The following STAB2 variants were observed in gnomAD, a reference collection of about 807,000 sequenced individuals.
STAB2 encodes the protein stabilin 2.
Under a neutral mutation model 338.1 loss-of-function variants are expected in STAB2, and 288 were observed. That is an observed-to-expected ratio of 0.85 (90% CI 0.77 to 0.94). STAB2 has a LOEUF of 0.94. Ranked by LOEUF, STAB2 falls within the 40% of genes least tolerant of loss-of-function variation. The pLI is 0.00. For missense variants in STAB2, 3,141 were observed against 3,210.1 expected, an observed-to-expected ratio of 0.98 and a Z score of 0.52; for synonymous variants, 1,202 against 1,193.3, an observed-to-expected ratio of 1.01 and a Z score of -0.15.
chr12:103,683,227 G>C lies in STAB2; in HGVS notation c.2828G>C (p.Gly943Ala), dbSNP rs1327134988. Residue 943 changes from glycine to alanine, a missense_variant, in exon 26 of 69, where the codon GGA (glycine) becomes GCA (alanine). Transcript: ENST00000388887. ...PGQNECECKK[G>A]FRGNGIDCEP... ...TAGAATGAGTGTGAGTGCAAGAAAGGATTTCGAGGAAATGGGATTGACTGT... is the reference window on the plus strand; with the variant it reads ...TAGAATGAGTGTGAGTGCAAGAAAGCATTTCGAGGAAATGGGATTGACTGT... The C allele has an allele frequency of 6.2e-7, 1 of 1,612,620 alleles. No homozygotes were observed. Among genetic ancestry groups the C allele is most frequent in the East Asian group, 2.2e-5 (1 of 44,814 alleles).
chr12:103,678,732 A>G (rs1876619039), intron 25 of STAB2, among the ~76,000 whole-genome samples: 1 of 151,914 alleles, frequency 6.6e-6, no homozygotes, highest in African/African-American at 2.4e-5. Context: ...GGGTTTTTCC[A>G]TGTTGGTCAG....
chr12:103,755,488 T>TCTGGGCCC, intron 62 of STAB2, 21 bp downstream of exon 62: 1 of 1,612,310 alleles, frequency 6.2e-7, no homozygotes, highest in Non-Finnish European at 8.5e-7. Context: ...CAGCTACACT[T>TCTGGGCCC]CAGGTTCTGG....
chr12:103,666,145 G>A (rs1336329675), intron 18 of STAB2, 146 bp from the exon 19 acceptor site: 19 of 706,612 alleles, frequency 2.7e-5, no homozygotes, highest in Non-Finnish European at 4.4e-5. Flanking sequence ...TGGAGTCGGT[G>A]TGGGGAGGGG....
chr12:103,673,951 G>T lies in STAB2; in HGVS notation c.2416G>T (p.Asp806Tyr), dbSNP rs1258143157. The T allele has an allele frequency of 6.2e-7, 1 of 1,614,052 alleles. No individual in the cohort carries two copies. Among genetic ancestry groups the T allele is most frequent in the South Asian group, 1.1e-5 (1 of 91,084 alleles). Residue 806 changes from aspartate to tyrosine, a missense_variant, in exon 23 of 69, where the codon GAT becomes TAT. Transcript: ENST00000388887. The stretch of plus-strand genomic sequence containing the variant: ...AACATGCAATAACAGGATAGACAGC[G>T]ATGGGGCCTGCCTCACTGGCACATG... ...HGTCNNRIDS[D>Y]GACLTGTCRD...
At chr12:103,762,200 C>G in intron 66 of STAB2, 74 bp from the exon 67 acceptor site, 6 of 1,584,282 alleles carry the variant, frequency 3.8e-6, no homozygotes, top group Non-Finnish European at 5.1e-6. Context: ...CAGAATGCCT[C>G]GGGCCACCAA....
At position 103,737,668 on chromosome 12, in the gene STAB2, T is replaced by C. The variant is rs371173385; in HGVS notation, c.5585T>C (p.Ile1862Thr). The change falls in exon 53 of 69, where the codon ATT becomes ACT. Residue 1862 changes from isoleucine to threonine, a missense_variant. Ile to Thr is a moderately conservative substitution (Grantham distance 89). Coordinates refer to ENST00000388887, the MANE Select transcript of STAB2 (RefSeq NM_017564.10). ...DLFLNGQTCR[I>T]VQRELLFDLG... ...TTTCTGAATGGCCAAACCTGCAGAA[T>C]TGTGCAGCGGGAGCTCTTGTTTGAC... 3 of 1,609,126 alleles carry C rather than the reference T, an allele frequency of 1.9e-6. No homozygotes were observed. The highest frequency in any genetic ancestry group is 2.5e-6 in the Non-Finnish European group (3 of 1,177,834).
At chr12:103,613,713 A>C (rs1469583289) in intron 3 of STAB2, among the ~76,000 whole-genome samples, 2 of 152,108 alleles carry the variant, frequency 1.3e-5, no homozygotes, top group Non-Finnish European at 2.9e-5. Flanking sequence ...CTGTCTGACA[A>C]TCCCCAGTGA....
chr12:103,742,373 C>G (rs1882652471), intron 55 of STAB2, 32 bp from the exon 56 acceptor site: 1 of 1,610,654 alleles, frequency 6.2e-7, no homozygotes, highest in African/African-American at 1.3e-5. Context: ...CTTTGGGAGA[C>G]TGTTGAGTCA....
intron 5 of STAB2, among the ~76,000 whole-genome samples, chr12:103,627,261 A>G (rs909636562): frequency 1.3e-5 from 2 of 152,210 alleles, no homozygotes; most frequent in Non-Finnish European, 2.9e-5. Context: ...AGACAGGTGA[A>G]GTGGATCCTA....
intron 59 of STAB2, among the ~76,000 whole-genome samples, chr12:103,749,675 CA>C (rs34098671): frequency 0.098 from 12,869 of 131,614 alleles, 763 homozygotes; most frequent in East Asian, 0.32. Flanking sequence ...TAAAAAAATG[CA>C]AAAAAAAAAA....
In STAB2 at chr12:103,663,467, A is replaced by C. The variant is rs80191503; in HGVS notation, c.2022+469A>C. Among the ~76,000 whole-genome samples, 937 of 152,154 alleles carry C rather than the reference A, an allele frequency of 6.2e-3. 8 individuals carry two copies. The highest frequency in any genetic ancestry group is 0.021 in the African/African-American group (891 of 41,484). On this transcript the variant is annotated intron_variant, in intron 18 of 68. Transcript: ENST00000388887. ...CTGCAGGGGTCTCACTGTGTTGCCC[A>C]GTCTGGAAATGACAGGTGCACACCA...
rs1208645818 is a variant in STAB2 at position 103,654,694 on chromosome 12, A to G, written c.1547A>G (p.Asn516Ser). 4.3e-6 allele frequency: 7 copies of G among 1,613,512 alleles called. No homozygotes were observed. In the African/African-American group the frequency reaches 6.7e-5, roughly 15 times the overall value. Residue 516 changes from asparagine (N) to serine (S), a missense_variant, in exon 13 of 69, where the codon AAT becomes AGT. Physicochemically the swap from Asn to Ser is conservative, Grantham distance 46. Transcript: ENST00000388887. ...TTAGAACCCACATTTGAGAGCAACA[A>G]TGAGGTGAGTATTCAGATAAAAGTC... ...DKLEPTFESN[N>S]EQTIMTMLQP...
intron 44 of STAB2, among the ~76,000 whole-genome samples, chr12:103,721,064 T>C (rs1189882153): frequency 6.6e-6 from 1 of 152,230 alleles, no homozygotes; most frequent in African/African-American, 2.4e-5. Context: ...ATAAGGGCAC[T>C]AATCCCATTT....
chr12:103,747,485 C>T (rs1420628842), intron 58 of STAB2, among the ~76,000 whole-genome samples: 1 of 152,164 alleles, frequency 6.6e-6, no homozygotes, highest in Non-Finnish European at 1.5e-5. Flanking sequence ...GTGGCCAATA[C>T]CATAAGCCCA....
intron 44 of STAB2, among the ~76,000 whole-genome samples, chr12:103,723,784 G>A (rs1435106883): frequency 1.3e-5 from 2 of 152,214 alleles, no homozygotes; most frequent in Admixed American, 1.3e-4. Context: ...GCTGGGGTTC[G>A]AGGGGACTGA....
chr12:103,759,157 C>T lies in STAB2; in HGVS notation c.7132C>T (p.His2378Tyr). 1 of 1,614,202 alleles carries T rather than the reference C, an allele frequency of 6.2e-7. No individual in the cohort carries two copies. The highest frequency in any genetic ancestry group is 1.1e-5 in the South Asian group (1 of 91,086). ...GACCTTGTCTGGGCGGGACATCGAG[C>T]ACCACCTCGCCAATGTCAGCATGTT... Reference protein sequence around the residue: ...NETLSGRDIEHHLANVSMFFY... With the variant: ...NETLSGRDIEYHLANVSMFFY... Residue 2378 changes from histidine to tyrosine, a missense_variant, in exon 65 of 69, where the codon CAC becomes TAC. Physicochemically the swap from His to Tyr is moderately conservative, Grantham distance 83. Coordinates refer to ENST00000388887, the MANE Select transcript of STAB2 (RefSeq NM_017564.10).
Position 103,748,986 on chromosome 12 carries a change from A to C in STAB2, c.6268A>C (p.Asn2090His). Residue 2090 changes from asparagine to histidine, a missense_variant, in exon 59 of 69, where the codon AAC becomes CAC. By Grantham distance (68) the Asn-to-His change is moderately conservative (BLOSUM62 1). Transcript: ENST00000388887. ...CTVVDFCKQD[N>H]GGCAKVARCS... ...AGTTGTGGATTTCTGCAAACAGGAC[A>C]ACGGGGGCTGTGCAAAGGTGGCCAG... 1.9e-6 allele frequency: 3 copies of C among 1,613,926 alleles called. No homozygotes were observed. The highest frequency in any genetic ancestry group is 2.5e-6 in the Non-Finnish European group (3 of 1,179,926).
intron 3 of STAB2, among the ~76,000 whole-genome samples, chr12:103,595,419 G>GA (rs963877994): frequency 9.9e-5 from 15 of 151,886 alleles, no homozygotes; most frequent in Admixed American, 9.8e-4. Flanking sequence ...TATAAAGAAA[G>GA]AAAAAATATC....
At chr12:103,719,995 G>A (rs931601936) in intron 44 of STAB2, among the ~76,000 whole-genome samples, 3 of 152,160 alleles carry the variant, frequency 2.0e-5, no homozygotes, top group Admixed American at 6.6e-5. Flanking sequence ...CAGTGCAGAC[G>A]CCCTGTAATT....
Sources: allele counts gnomAD v4.1 joint callset (sites outside exome capture counted in the v4.1 genomes callset), GRCh38; gene constraint gnomAD v4.1.1; transcripts MANE v1.5; gene names NCBI Gene and HGNC (gene_info 2026-07-23, HGNC 2026-07-21).